Variants in DAAM1 observed in about 807,000 individuals in gnomAD.
DAAM1 encodes the protein dishevelled associated activator of morphogenesis 1.
In DAAM1, 52 loss-of-function variants were observed where a neutral mutation model predicts 130.0. The observed-to-expected ratio is 0.40, with a 90% CI of 0.32 to 0.50. DAAM1 has a LOEUF of 0.50. DAAM1 is among the 20% of genes least tolerant of loss of function. DAAM1 has a pLI of 0.61. For missense variants in DAAM1, 1,134 were observed against 1,303.8 expected, an observed-to-expected ratio of 0.87 and a Z score of 2.01; for synonymous variants, 452 against 444.5, an observed-to-expected ratio of 1.02 and a Z score of -0.21.
At chr14:59,232,416 T>C (rs1488082511) in intron 1 of DAAM1, among the ~76,000 whole-genome samples, 1 of 152,140 alleles carries the variant, frequency 6.6e-6, no homozygotes, top group African/African-American at 2.4e-5. Context: ...CAAAGTTGTC[T>C]TTTCAGATTC....
chr14:59,340,741 TGAAAA>T (rs1885812649), intron 16 of DAAM1, among the ~76,000 whole-genome samples: 1 of 152,252 alleles, frequency 6.6e-6, no homozygotes, highest in Admixed American at 6.5e-5. Context: ...CCTTGGAACT[TGAAAA>T]GAAGAAAGGA....
At chr14:59,366,334 A>G (rs146917831) in intron 23 of DAAM1, among the ~76,000 whole-genome samples, 5 of 152,194 alleles carry the variant, frequency 3.3e-5, no homozygotes, top group Non-Finnish European at 7.4e-5. Context: ...TAAAGATTCC[A>G]TACTCAGTTG....
chr14:59,318,051 C>T (rs1421807810), intron 4 of DAAM1, among the ~76,000 whole-genome samples: 1 of 152,252 alleles, frequency 6.6e-6, no homozygotes, highest in Non-Finnish European at 1.5e-5. Flanking sequence ...TTATGTAAGC[C>T]TCATTACAAG....
At position 59,366,961 on chromosome 14, in the gene DAAM1, C is replaced by G. The variant is rs1373866429; in HGVS notation, c.2827-468C>G. Among the ~76,000 whole-genome samples the G allele has an allele frequency of 4.0e-5, 6 of 148,168 alleles. No individual in the cohort carries two copies. The East Asian group carries it at 1.2e-3, about 29-fold the overall frequency. The stretch of plus-strand genomic sequence containing the variant: ...AATAACATATGCATTCCAGCCTGGG[C>G]AACATGTAAGACCCCATCTCTTAAA... On this transcript the variant is annotated intron_variant, in intron 23 of 24. Transcript: ENST00000360909.
At chr14:59,241,704 C>T (rs1231145277) in intron 1 of DAAM1, among the ~76,000 whole-genome samples, 1 of 152,200 alleles carries the variant, frequency 6.6e-6, no homozygotes, top group Non-Finnish European at 1.5e-5. Context: ...TATTATTTAA[C>T]TTATCAAAGA....
rs186270848 is a variant in DAAM1 at position 59,217,844 on chromosome 14, G to T, written c.-38+29076G>T. Reference sequence around the variant, plus strand: ...CAAAAAACAAAAACAAAAATTAGCCGGGCGTGGTGGTGGGCACCTGTAGTC... The same window carrying T: ...CAAAAAACAAAAACAAAAATTAGCCTGGCGTGGTGGTGGGCACCTGTAGTC... On this transcript the variant is annotated intron_variant, in intron 1 of 24. Transcript: ENST00000360909. 4.4e-4 allele frequency among the ~76,000 whole-genome samples: 67 copies of T among 152,086 alleles called. No homozygotes were observed. In the East Asian group the frequency reaches 0.013, roughly 29 times the overall value.
rs371402044 is a variant in DAAM1, at chr14:59,253,932, G to T, written c.-37-9509G>T. Among the ~76,000 whole-genome samples, 3 of 152,150 alleles carry T rather than the reference G, an allele frequency of 2.0e-5. No homozygotes were observed. The South Asian group carries it at 6.2e-4, about 31-fold the overall frequency. Reference sequence around the variant, plus strand: ...ATTAAGTATATATCTATTCAACTTCGCATCTCTCAAAATTTGCCTGCATTA... The same window carrying T: ...ATTAAGTATATATCTATTCAACTTCTCATCTCTCAAAATTTGCCTGCATTA... On this transcript the variant is annotated intron_variant, in intron 1 of 24. Transcript: ENST00000360909.
At chr14:59,326,332 C>T (rs1294568096) in intron 10 of DAAM1, among the ~76,000 whole-genome samples, 178 bp from the exon 11 acceptor site, 1 of 151,888 alleles carries the variant, frequency 6.6e-6, no homozygotes, top group Non-Finnish European at 1.5e-5. Flanking sequence ...TAGAGGGTAC[C>T]TCTCAATCAA....
chr14:59,203,824 C>G (rs539107600), intron 1 of DAAM1, among the ~76,000 whole-genome samples: 1 of 152,182 alleles, frequency 6.6e-6, no homozygotes, highest in Non-Finnish European at 1.5e-5. Flanking sequence ...TATTTTGCAG[C>G]ATGTTTCTGC....
intron 1 of DAAM1, among the ~76,000 whole-genome samples, chr14:59,262,104 T>C (rs376559536): frequency 6.6e-5 from 10 of 152,202 alleles, no homozygotes; most frequent in South Asian, 2.1e-4. Context: ...TGAAGACTTA[T>C]AACAGTTACA....
intron 1 of DAAM1, among the ~76,000 whole-genome samples, chr14:59,254,471 C>A (rs1212252592): frequency 6.6e-6 from 1 of 152,130 alleles, no homozygotes; most frequent in African/African-American, 2.4e-5. Context: ...CTGAGTGGAT[C>A]CCTTAGAGAC....
intron 1 of DAAM1, among the ~76,000 whole-genome samples, chr14:59,240,062 G>T (rs1435386727): frequency 6.6e-6 from 1 of 152,112 alleles, no homozygotes; most frequent in African/African-American, 2.4e-5. Flanking sequence ...AGACATTTGT[G>T]TTTGGATTTA....
chr14:59,313,550 G>A lies in DAAM1; in HGVS notation c.274-1730G>A, dbSNP rs1001409436. On this transcript the variant is annotated intron_variant, in intron 3 of 24. Transcript: ENST00000360909. ...AGCTTACAACAGACAGGCTCTTGTG[G>A]GACCTCAGTCATGGGACTTGATTTT... Among the ~76,000 whole-genome samples the A allele has an allele frequency of 5.3e-5, 8 of 152,138 alleles. No individual in the cohort carries two copies. In the South Asian group the frequency reaches 1.0e-3, roughly 20 times the overall value.
intron 14 of DAAM1, 29 bp from the exon 15 acceptor site, chr14:59,331,784 T>G: frequency 6.2e-7 from 1 of 1,601,560 alleles, no homozygotes; most frequent in East Asian, 2.2e-5. Flanking sequence ...AACTGTAAAC[T>G]ATAGCACTTA....
chr14:59,344,985 A>G (rs982249611), intron 16 of DAAM1, among the ~76,000 whole-genome samples: 1 of 151,728 alleles, frequency 6.6e-6, no homozygotes, highest in Admixed American at 6.6e-5. Flanking sequence ...AGCTCTCCTC[A>G]TGATTATAGA....
At chr14:59,314,108 A>T (rs1884695293) in intron 3 of DAAM1, among the ~76,000 whole-genome samples, 1 of 152,170 alleles carries the variant, frequency 6.6e-6, no homozygotes. Context: ...TGTTTTTTCG[A>T]GGCACAGTAT....
chr14:59,263,379 C>T, intron 1 of DAAM1, 62 bp from the exon 2 acceptor site: 1 of 1,448,066 alleles, frequency 6.9e-7, no homozygotes, highest in Non-Finnish European at 9.5e-7. Context: ...GTTGGTCTGG[C>T]CTTTTAAAAA....
chr14:59,315,439 A>G (rs1427551030), intron 4 of DAAM1, 88 bp downstream of exon 4: 4 of 1,231,054 alleles, frequency 3.2e-6, no homozygotes, highest in South Asian at 1.4e-5. Context: ...TCGATTGAGT[A>G]TGACCTACCA....
intron 19 of DAAM1, among the ~76,000 whole-genome samples, chr14:59,354,459 G>C (rs186645490): frequency 2.4e-4 from 37 of 152,260 alleles, no homozygotes; most frequent in Admixed American, 9.8e-4. Context: ...CCTAGTCTCG[G>C]AGCTCACAGC....
Sources: allele counts gnomAD v4.1 joint callset (sites outside exome capture counted in the v4.1 genomes callset), GRCh38; gene constraint gnomAD v4.1.1; transcripts MANE v1.5; gene names NCBI Gene and HGNC (gene_info 2026-07-23, HGNC 2026-07-21).